The following PLD5 variants were observed in gnomAD, a reference collection of about 807,000 sequenced individuals.
The protein encoded by PLD5 is inactive phospholipase D5.
Under a neutral mutation model 61.1 loss-of-function variants are expected in PLD5, and 36 were observed. The ratio of observed to expected loss-of-function variants is 0.59; its 90% CI spans 0.45 to 0.78. The LOEUF (loss-of-function observed/expected upper bound fraction) is 0.78. PLD5 is among the 30% of genes least tolerant of loss of function. The pLI, the probability that PLD5 is intolerant of heterozygous loss-of-function variation, is 0.00. For missense variants in PLD5, 515 were observed against 644.4 expected (o/e 0.80, Z 2.17); for synonymous variants, 243 against 242.8 (o/e 1.00, Z -0.01).
rs1160663266 is a variant in PLD5 at position 242,268,222 on chromosome 1, AGATTTCCCGAACCTAAACTCGTGGT to A, written c.496-2799_496-2775del. On this transcript the variant is annotated intron_variant, in intron 3 of 9. Transcript: ENST00000536534. ...AGGTTTGGTGATGTGTGCATGGCCC[AGATTTCCCGAACCTAAACTCGTGGT>A]CATCTCACGTTCACGTAAGTTGTTT... 2.9e-4 allele frequency among the ~76,000 whole-genome samples: 44 copies of A among 152,290 alleles called. 2 individuals carry two copies. In the East Asian group the frequency reaches 8.5e-3, roughly 29 times the overall value.
intron 4 of PLD5, among the ~76,000 whole-genome samples, chr1:242,260,474 T>A (rs955994541): frequency 6.6e-6 from 1 of 152,204 alleles, no homozygotes; most frequent in African/African-American, 2.4e-5. Flanking sequence ...ACATCTCATT[T>A]AGCTTGTTTG....
intron 1 of PLD5, among the ~76,000 whole-genome samples, chr1:242,517,058 A>G (rs1416484309): frequency 1.3e-5 from 2 of 149,384 alleles, no homozygotes; most frequent in Admixed American, 6.6e-5. Flanking sequence ...AGTGGTCCTG[A>G]TAAATCCAGT....
chr1:242,267,843 T>C (rs1365619915), intron 3 of PLD5, among the ~76,000 whole-genome samples: 2 of 145,390 alleles, frequency 1.4e-5, no homozygotes, highest in Non-Finnish European at 1.5e-5. Context: ...ATTGTGCCAC[T>C]GCACACCAGC....
intron 4 of PLD5, among the ~76,000 whole-genome samples, chr1:242,249,082 C>T (rs984439558): frequency 9.9e-5 from 15 of 152,164 alleles, no homozygotes; most frequent in Non-Finnish European, 2.2e-4. Flanking sequence ...CACCACTGAA[C>T]CCCAGCTTGG....
chr1:242,172,612 CA>C (rs1666833805), intron 5 of PLD5, among the ~76,000 whole-genome samples: 1 of 151,964 alleles, frequency 6.6e-6, no homozygotes, highest in Admixed American at 6.6e-5. Flanking sequence ...AAAAGATCAA[CA>C]AAATAGATAG....
intron 1 of PLD5, among the ~76,000 whole-genome samples, chr1:242,502,113 C>A (rs1668573464): frequency 6.6e-6 from 1 of 152,152 alleles, no homozygotes; most frequent in Non-Finnish European, 1.5e-5. Flanking sequence ...ATGTCTGCAA[C>A]CCAACCCAGC....
intron 1 of PLD5, among the ~76,000 whole-genome samples, chr1:242,394,114 G>GTA (rs1206639352): frequency 1.4e-5 from 2 of 138,104 alleles, no homozygotes; most frequent in East Asian, 2.1e-4. Context: ...ATATATATGA[G>GTA]TATATATATG....
At chr1:242,435,765 A>G (rs1020253389) in intron 1 of PLD5, among the ~76,000 whole-genome samples, 1 of 152,180 alleles carries the variant, frequency 6.6e-6, no homozygotes, top group Non-Finnish European at 1.5e-5. Context: ...TATGGAATGT[A>G]ACTGCTAGAG....
At chr1:242,155,555 G>C (rs1032574473) in intron 5 of PLD5, among the ~76,000 whole-genome samples, 3 of 152,074 alleles carry the variant, frequency 2.0e-5, no homozygotes, top group African/African-American at 7.2e-5. Context: ...TTGTGTCTTT[G>C]TTCTCATTGG....
At chr1:242,258,749 G>C (rs1256337891) in intron 4 of PLD5, among the ~76,000 whole-genome samples, 1 of 152,148 alleles carries the variant, frequency 6.6e-6, no homozygotes, top group Non-Finnish European at 1.5e-5. Context: ...CTTCTGATTA[G>C]AGACAACAGT....
intron 1 of PLD5, among the ~76,000 whole-genome samples, chr1:242,463,513 T>A (rs1356409307): frequency 2.0e-5 from 3 of 152,130 alleles, no homozygotes; most frequent in Non-Finnish European, 4.4e-5. Context: ...CTCCTTGACC[T>A]CTCCCCAAAC....
intron 1 of PLD5, among the ~76,000 whole-genome samples, chr1:242,394,156 A>T (rs1422524965): frequency 9.0e-6 from 1 of 111,498 alleles, no homozygotes; most frequent in Admixed American, 1.1e-4. Flanking sequence ...ATGTGTATAT[A>T]TATGAGTATA....
intron 5 of PLD5, among the ~76,000 whole-genome samples, chr1:242,130,803 C>G (rs1309065120): frequency 6.6e-6 from 1 of 152,102 alleles, no homozygotes; most frequent in Non-Finnish European, 1.5e-5. Flanking sequence ...AAATGATTGA[C>G]TGAATGGTTC....
At chr1:242,150,227 T>C (rs1484680701) in intron 5 of PLD5, among the ~76,000 whole-genome samples, 1 of 151,714 alleles carries the variant, frequency 6.6e-6, no homozygotes, top group East Asian at 1.9e-4. Context: ...TGACCAACAA[T>C]ATTGGCTCTC....
Position 242,220,066 on chromosome 1 carries a change from C to A in PLD5, c.657G>T (p.Leu219=), listed in dbSNP as rs1308055318. 6.2e-7 allele frequency: 1 copy of A among 1,614,094 alleles called. No individual in the cohort carries two copies. Among genetic ancestry groups the A allele is most frequent in the Non-Finnish European group, 8.5e-7 (1 of 1,180,040 alleles). ...MNMTAYNKGR[L]QSSFWIVDKQ... is the part of the protein sequence containing the mutation. Reference sequence around the variant, plus strand: ...TGTCCACGATCCAGAAGGAGGACTGCAGCCGGCCCTTGTTGTAAGCGGTCA... The same window carrying A: ...TGTCCACGATCCAGAAGGAGGACTGAAGCCGGCCCTTGTTGTAAGCGGTCA... Residue 219 remains leucine (L), a synonymous_variant, in exon 5 of 10, where the codon CTG becomes CTT. Coordinates refer to ENST00000536534, the MANE Select transcript of PLD5 (RefSeq NM_001372062.1).
intron 1 of PLD5, among the ~76,000 whole-genome samples, chr1:242,465,336 T>A (rs1229584749): frequency 6.6e-6 from 1 of 152,204 alleles, no homozygotes; most frequent in Non-Finnish European, 1.5e-5. Flanking sequence ...TTCTTTTGGA[T>A]TATTACATGG....
chr1:242,449,165 A>G (rs1666678465), intron 1 of PLD5, among the ~76,000 whole-genome samples: 1 of 152,228 alleles, frequency 6.6e-6, no homozygotes, highest in African/African-American at 2.4e-5. Context: ...CATGAAAGGA[A>G]TCATTTTTCA....
At chr1:242,427,413 A>G (rs1665490846) in intron 1 of PLD5, among the ~76,000 whole-genome samples, 1 of 152,200 alleles carries the variant, frequency 6.6e-6, no homozygotes, top group Non-Finnish European at 1.5e-5. Flanking sequence ...ACCTATCTAC[A>G]TTATTGTGTG....
intron 2 of PLD5, among the ~76,000 whole-genome samples, chr1:242,318,728 G>C (rs1352062466): frequency 6.6e-6 from 1 of 151,692 alleles, no homozygotes; most frequent in Admixed American, 6.6e-5. Context: ...AGGCTCAAGT[G>C]ATCCTCCTGC....
Sources: allele counts gnomAD v4.1 joint callset (sites outside exome capture counted in the v4.1 genomes callset), GRCh38; gene constraint gnomAD v4.1.1; transcripts MANE v1.5; gene names NCBI Gene and HGNC (gene_info 2026-07-23, HGNC 2026-07-21).